The following ELP2 variants were observed in gnomAD, a reference collection of about 807,000 sequenced individuals.
ELP2 encodes elongator acetyltransferase complex subunit 2, also known as elongator complex protein 2.
Under a neutral mutation model 119.2 loss-of-function variants are expected in ELP2, and 90 were observed. That is an observed-to-expected ratio of 0.75 (90% CI 0.64 to 0.90). The LOEUF (loss-of-function observed/expected upper bound fraction) is 0.90. Among genes scored for constraint, ELP2 ranks in the 40% least tolerant of loss-of-function variants. The pLI is 0.00. For missense variants in ELP2, 921 were observed against 967.8 expected, an observed-to-expected ratio of 0.95 and a Z score of 0.64; for synonymous variants, 339 against 331.0, an observed-to-expected ratio of 1.02 and a Z score of -0.26.
At chr18:36,159,650 T>C in intron 14 of ELP2, 85 bp from the exon 15 acceptor site, 2 of 998,354 alleles carry the variant, frequency 2.0e-6, no homozygotes, top group Non-Finnish European at 3.2e-6. Context: ...TTACCACTGC[T>C]TTCTATGTGG....
In ELP2 at chr18:36,142,924, A is replaced by T. The variant is rs757398906; in HGVS notation, c.754A>T (p.Asn252Tyr). The change falls in exon 8 of 22, where the codon AAC becomes TAC. Residue 252 changes from asparagine (N) to tyrosine (Y), a missense_variant. Transcript: ENST00000358232. ...ATCTTTAGAAACTCAGGATGACGAT[A>T]ACATAAGACTGAAAGAAAATACTTT... ...STSLETQDDD[N>Y]IRLKENTFTI... is the part of the protein sequence containing the mutation. The T allele has an allele frequency of 6.3e-7, 1 of 1,593,262 alleles. No individual in the cohort carries two copies. Among genetic ancestry groups the T allele is most frequent in the African/African-American group, 1.3e-5 (1 of 74,252 alleles).
chr18:36,141,374 A>G, intron 6 of ELP2, 173 bp downstream of exon 6: 1 of 631,056 alleles, frequency 1.6e-6, no homozygotes, highest in East Asian at 2.9e-5. Flanking sequence ...CTGAACACCA[A>G]GTAACCGCTG....
At chr18:36,144,827 A>G (rs941600124) in intron 8 of ELP2, 112 bp from the exon 9 acceptor site, 4 of 830,142 alleles carry the variant, frequency 4.8e-6, no homozygotes, top group African/African-American at 3.4e-5. Context: ...CCCAACTATC[A>G]TATTTTGTCC....
At chr18:36,138,939 T>C in intron 5 of ELP2, 67 bp downstream of exon 5, 1 of 1,188,516 alleles carries the variant, frequency 8.4e-7, no homozygotes, top group South Asian at 1.2e-5. Context: ...GATTAGAACC[T>C]AAAAGAAATG....
chr18:36,178,769 TTA>T lies in ELP2; in HGVS notation c.*4130_*4131del, dbSNP rs1478941196. ...TTCTCTTGAATCATAATTTCAGTAT[TTA>T]TGGATGAAATCAATTTATGTCTTGG... On this transcript the variant is annotated 3_prime_UTR_variant, in exon 22 of 22. Transcript: ENST00000358232. The T allele has an allele frequency of 1.5e-4, 23 of 152,070 alleles. No individual in the cohort carries two copies. Among genetic ancestry groups the T allele is most frequent in the Admixed American group, 1.5e-3 (23 of 15,260 alleles). The allele number at this position is 152,070 out of a possible 1,614,324, so 9.4% of individuals were successfully genotyped here.
In ELP2 at chr18:36,159,134, A is replaced by T. The variant is rs1434790182; in HGVS notation, c.1534+230A>T. Among the ~76,000 whole-genome samples the T allele has an allele frequency of 4.8e-5, 7 of 145,106 alleles. No homozygotes were observed. In the East Asian group the frequency reaches 1.4e-3, roughly 29 times the overall value. On this transcript the variant is annotated intron_variant, in intron 14 of 21. Coordinates refer to ENST00000358232, the MANE Select transcript of ELP2 (RefSeq NM_018255.4). ...TTTCCCTTTTTTTTTTTTTTTTGAG[A>T]CAGAGTCTTGCTCTGTCACCCAGGC... is the stretch of plus-strand genomic sequence containing the variant.
chr18:36,158,628 G>C (rs1276588381), intron 13 of ELP2: 2 of 508,864 alleles, frequency 3.9e-6, no homozygotes, highest in Non-Finnish European at 7.1e-6. Context: ...GGGCTTGTCT[G>C]TTGGAGAGTG....
chr18:36,147,083 T>G (rs1316149228), intron 11 of ELP2, among the ~76,000 whole-genome samples: 1 of 142,100 alleles, frequency 7.0e-6, no homozygotes. Flanking sequence ...CATGGGTAGT[T>G]TTTTTTTTTT....
chr18:36,176,979 T>G lies in ELP2; in HGVS notation c.*2338T>G, dbSNP rs1479846048. On this transcript the variant is annotated 3_prime_UTR_variant, in exon 22 of 22. Transcript: ENST00000358232. Reference sequence around the variant, plus strand: ...GTTTTCTGTAGTGACGCACGTGTTGTGTGTGTATGTGTGCGTTTGAGGCTA... The same window carrying G: ...GTTTTCTGTAGTGACGCACGTGTTGGGTGTGTATGTGTGCGTTTGAGGCTA... The G allele has an allele frequency of 1.3e-5, 2 of 152,222 alleles. No homozygotes were observed. Among genetic ancestry groups the G allele is most frequent in the East Asian group, 3.9e-4 (2 of 5,184 alleles). The allele number at this position is 152,222 out of a possible 1,614,324, so 9.4% of individuals were successfully genotyped here. A position where few individuals can be genotyped will look rare whatever the true frequency, so the allele number is the denominator to read the frequency against.
intron 11 of ELP2, among the ~76,000 whole-genome samples, chr18:36,150,560 A>G (rs993387527): frequency 6.6e-6 from 1 of 152,192 alleles, no homozygotes; most frequent in East Asian, 1.9e-4. Context: ...AAACCCCAGT[A>G]GTTGTTGCTG....
intron 19 of ELP2, 103 bp downstream of exon 19, chr18:36,167,325 T>TAA (rs573393584): frequency 0.026 from 22,616 of 881,874 alleles, 422 homozygotes; most frequent in Non-Finnish European, 0.031. Flanking sequence ...TTACAGCTTT[T>TAA]AAAAATCAGC....
At chr18:36,166,406 C>A (rs914813911) in intron 18 of ELP2, among the ~76,000 whole-genome samples, 1 of 129,010 alleles carries the variant, frequency 7.8e-6, no homozygotes, top group African/African-American at 2.9e-5. Context: ...TCTCAGCTCA[C>A]TGCAGCCTCC....
At chr18:36,130,189 G>T in intron 1 of ELP2, 118 bp downstream of exon 1, 1 of 1,394,896 alleles carries the variant, frequency 7.2e-7, no homozygotes, top group South Asian at 1.2e-5. Flanking sequence ...GTCGGCTCAG[G>T]GGAGCGGGGT....
intron 17 of ELP2, among the ~76,000 whole-genome samples, chr18:36,164,033 GAA>G (rs1309333982): frequency 6.6e-6 from 1 of 152,086 alleles, no homozygotes; most frequent in East Asian, 1.9e-4. Flanking sequence ...TTTGACATAT[GAA>G]TGCAATATGC....
In ELP2 at chr18:36,167,118, T is replaced by C. The variant is rs746187279; in HGVS notation, c.1972T>C (p.Phe658Leu). 9 of 1,599,070 alleles carry C rather than the reference T, an allele frequency of 5.6e-6. No homozygotes were observed. The Admixed American group carries it at 1.0e-4, about 18-fold the overall frequency. ...SPEFEPVFSL[F>L]AFTNKITSVH... ...TCTTTCAGAGCCAGTTTTTAGTCTTTTTGCCTTCACCAACAAAATTACTTC... is the reference window on the plus strand; with the variant it reads ...TCTTTCAGAGCCAGTTTTTAGTCTTCTTGCCTTCACCAACAAAATTACTTC... Residue 658 changes from phenylalanine (F) to leucine (L), a missense_variant, in exon 19 of 22, where the codon TTT (phenylalanine) becomes CTT (leucine). Phe to Leu is a conservative substitution (Grantham distance 22). Transcript: ENST00000358232.
At chr18:36,136,548 CTGTTTGTT>C (rs199685569) in intron 3 of ELP2, 171 bp downstream of exon 3, 6 of 639,066 alleles carry the variant, frequency 9.4e-6, no homozygotes, top group South Asian at 1.8e-5. Context: ...TGGCTGATTT[CTGTTTGTT>C]TGTTTGTTTG....
At chr18:36,172,400 G>A (rs778671568) in intron 21 of ELP2, among the ~76,000 whole-genome samples, 9 of 152,112 alleles carry the variant, frequency 5.9e-5, no homozygotes, top group Non-Finnish European at 7.4e-5. Context: ...ATATGATGAG[G>A]GTGAGTGCTT....
intron 7 of ELP2, 27 bp from the exon 8 acceptor site, chr18:36,142,799 A>C (rs1448255919): frequency 6.6e-7 from 1 of 1,511,276 alleles, no homozygotes; most frequent in Admixed American, 1.7e-5. Flanking sequence ...AATGTTTTAA[A>C]ATTAATACAA....
intron 3 of ELP2, chr18:36,136,682 T>C: frequency 3.2e-6 from 1 of 314,106 alleles, no homozygotes; most frequent in Non-Finnish European, 6.0e-6. Flanking sequence ...ATGAAGTTAA[T>C]CTTGCTCATC....
Sources: allele counts gnomAD v4.1 joint callset (sites outside exome capture counted in the v4.1 genomes callset), GRCh38; gene constraint gnomAD v4.1.1; transcripts MANE v1.5; gene names NCBI Gene and HGNC (gene_info 2026-07-23, HGNC 2026-07-21).